Variants in TANGO6 observed in about 807,000 individuals in gnomAD.
TANGO6 encodes the protein transport and golgi organization 6 homolog.
In TANGO6, 90 loss-of-function variants were observed where a neutral mutation model predicts 114.2. The observed-to-expected ratio is 0.79, with a 90% CI of 0.66 to 0.94. The LOEUF is 0.94. Among genes scored for constraint, TANGO6 ranks in the 40% least tolerant of loss-of-function variants. TANGO6 has a pLI of 0.00. For missense variants in TANGO6, 1,274 were observed against 1,315.3 expected (o/e 0.97, Z 0.49); for synonymous variants, 477 against 509.8 (o/e 0.94, Z 0.87).
intron 10 of TANGO6, 123 bp downstream of exon 10, chr16:68,907,698 T>A: frequency 8.5e-7 from 1 of 1,180,984 alleles, no homozygotes; most frequent in Non-Finnish European, 1.2e-6. Context: ...AGGAAAATGG[T>A]CAGAGGACAT....
intron 16 of TANGO6, among the ~76,000 whole-genome samples, chr16:69,028,532 C>G (rs1281039103): frequency 6.6e-6 from 1 of 151,974 alleles, no homozygotes; most frequent in Non-Finnish European, 1.5e-5. Context: ...ACTTAGGAGG[C>G]TGTGGCAGGA....
At position 68,843,583 on chromosome 16, in the gene TANGO6, T is replaced by C. The variant is rs756982627; in HGVS notation, c.-35T>C. 2 of 1,603,492 alleles carry C rather than the reference T, an allele frequency of 1.2e-6. No homozygotes were observed. Among genetic ancestry groups the C allele is most frequent in the African/African-American group, 1.3e-5 (1 of 74,598 alleles). On this transcript the variant is annotated 5_prime_UTR_variant, in exon 1 of 18. It removes the in-frame stop codon of an upstream open reading frame in the 5' UTR. Coordinates refer to ENST00000261778, the MANE Select transcript of TANGO6 (RefSeq NM_024562.2). Reference sequence around the variant, plus strand: ...GGCGGCGGCGCCCTGCCGAGGCGCCTGAGCGGGTCGCGAGCGTGGTGTTAC... The same window carrying C: ...GGCGGCGGCGCCCTGCCGAGGCGCCCGAGCGGGTCGCGAGCGTGGTGTTAC...
At chr16:68,990,075 T>C (rs1963933930) in intron 15 of TANGO6, among the ~76,000 whole-genome samples, 1 of 152,122 alleles carries the variant, frequency 6.6e-6, no homozygotes, top group Admixed American at 6.5e-5. Context: ...GCTCTGTCAC[T>C]CAGGCTGGAG....
At chr16:68,898,117 C>T (rs781619700) in intron 7 of TANGO6, among the ~76,000 whole-genome samples, 6 of 151,794 alleles carry the variant, frequency 4.0e-5, no homozygotes, top group Non-Finnish European at 8.8e-5. Flanking sequence ...GATCCAAAGC[C>T]GAACAATAGG....
At chr16:68,864,229 G>A (rs2152159745) in intron 3 of TANGO6, among the ~76,000 whole-genome samples, 1 of 151,814 alleles carries the variant, frequency 6.6e-6, no homozygotes, top group South Asian at 2.1e-4. Flanking sequence ...AGATGGAATT[G>A]TCTGTTTGCT....
At chr16:68,934,816 G>C (rs1963284174) in intron 14 of TANGO6, among the ~76,000 whole-genome samples, 1 of 152,150 alleles carries the variant, frequency 6.6e-6, no homozygotes, top group Non-Finnish European at 1.5e-5. Flanking sequence ...CCACTTTGCT[G>C]TTTGGAATAA....
At chr16:68,980,409 C>CTCTCTCTCTCTCTCTA (rs1408626276) in intron 15 of TANGO6, among the ~76,000 whole-genome samples, 26 of 67,970 alleles carry the variant, frequency 3.8e-4, no homozygotes, top group Non-Finnish European at 2.9e-4. Context: ...CTCTCTCTCT[C>CTCTCTCTCTCTCTCTA]TATATATATA....
chr16:68,945,307 A>G (rs1383862106), intron 14 of TANGO6, among the ~76,000 whole-genome samples: 1 of 152,232 alleles, frequency 6.6e-6, no homozygotes, highest in Non-Finnish European at 1.5e-5. Context: ...GAGTTGCAGC[A>G]AGTTTGTTTC....
chr16:68,853,322 A>G (rs1961935845), intron 1 of TANGO6, among the ~76,000 whole-genome samples: 1 of 151,886 alleles, frequency 6.6e-6, no homozygotes, highest in South Asian at 2.1e-4. Flanking sequence ...AACCCCTGTC[A>G]AGATACACAT....
intron 15 of TANGO6, among the ~76,000 whole-genome samples, chr16:68,986,087 C>G (rs563683786): frequency 6.6e-6 from 1 of 152,216 alleles, no homozygotes. Context: ...GTCATCATGA[C>G]GTACAAAGAA....
At chr16:68,902,271 C>G in intron 8 of TANGO6, 57 bp from the exon 9 acceptor site, 2 of 1,499,744 alleles carry the variant, frequency 1.3e-6, no homozygotes, top group Non-Finnish European at 1.8e-6. Context: ...TTTATGTTAG[C>G]TTGTTAGATG....
At chr16:68,917,229 A>G (rs1308325551) in intron 11 of TANGO6, among the ~76,000 whole-genome samples, 4 of 152,002 alleles carry the variant, frequency 2.6e-5, no homozygotes, top group Non-Finnish European at 5.9e-5. Flanking sequence ...ATGTCTTTTC[A>G]TAGCTTGATT....
chr16:68,860,651 A>C, intron 2 of TANGO6, 127 bp downstream of exon 2: 1 of 1,221,126 alleles, frequency 8.2e-7, no homozygotes, highest in Non-Finnish European at 1.1e-6. Flanking sequence ...AAGCATATCC[A>C]ATGGATAAAT....
intron 14 of TANGO6, among the ~76,000 whole-genome samples, chr16:68,948,564 C>T (rs912532301): frequency 1.8e-4 from 27 of 152,172 alleles, no homozygotes; most frequent in Non-Finnish European, 3.1e-4. Context: ...TCCCAAGATG[C>T]AAGGGCTGAG....
At chr16:68,858,098 C>G (rs1962029475) in intron 1 of TANGO6, among the ~76,000 whole-genome samples, 1 of 149,778 alleles carries the variant, frequency 6.7e-6, no homozygotes, top group East Asian at 2.0e-4. Context: ...GAGTCTCACT[C>G]TGTCACCCAG....
intron 7 of TANGO6, among the ~76,000 whole-genome samples, chr16:68,893,916 G>C (rs57513078): frequency 2.8e-4 from 43 of 152,212 alleles, no homozygotes; most frequent in African/African-American, 9.6e-4. Context: ...CACAGTCCAA[G>C]GAAATCACAC....
chr16:68,917,657 G>A (rs192843007), intron 11 of TANGO6, among the ~76,000 whole-genome samples: 1 of 152,170 alleles, frequency 6.6e-6, no homozygotes, highest in South Asian at 2.1e-4. Flanking sequence ...CAGTTCTCCA[G>A]TGACATAGGA....
intron 17 of TANGO6, among the ~76,000 whole-genome samples, chr16:69,047,813 G>C (rs541657361): frequency 6.6e-6 from 1 of 152,096 alleles, no homozygotes; most frequent in African/African-American, 2.4e-5. Flanking sequence ...ATAATATATA[G>C]CCACAATATA....
chr16:68,988,214 G>A (rs1963914607), intron 15 of TANGO6, among the ~76,000 whole-genome samples: 1 of 152,032 alleles, frequency 6.6e-6, no homozygotes, highest in African/African-American at 2.4e-5. Context: ...TCCTTTATCT[G>A]CCTAAATATT....
Sources: gnomAD v4.1 joint callset for allele counts (sites outside exome capture counted in the v4.1 genomes callset) on GRCh38, gnomAD v4.1.1 for gene constraint, MANE v1.5 for transcripts, NCBI Gene and HGNC (gene_info 2026-07-23, HGNC 2026-07-21) for gene names.